The following KITLG variants were observed in gnomAD, a reference collection of about 807,000 sequenced individuals.
The protein encoded by KITLG is KIT ligand, also known as c-Kit ligand.
In KITLG, 13 loss-of-function variants were observed where a neutral mutation model predicts 34.1. That is an observed-to-expected ratio of 0.38 (90% CI 0.25 to 0.61). KITLG has a LOEUF of 0.61. Ranked by LOEUF, KITLG falls within the 20% of genes least tolerant of loss-of-function variation. The pLI, the probability that KITLG is intolerant of heterozygous loss-of-function variation, is 0.60. For missense variants in KITLG, 292 were observed against 318.9 expected, an observed-to-expected ratio of 0.92 and a Z score of 0.64; for synonymous variants, 110 against 104.0, an observed-to-expected ratio of 1.06 and a Z score of -0.35.
intron 6 of KITLG, 58 bp downstream of exon 6, chr12:88,515,476 T>A: frequency 1.9e-6 from 2 of 1,037,194 alleles, no homozygotes; most frequent in East Asian, 2.4e-5. Flanking sequence ...GCCCATGCAA[T>A]ACTCCTATAG....
chr12:88,524,056 C>T (rs1869776436), intron 3 of KITLG, among the ~76,000 whole-genome samples: 1 of 152,116 alleles, frequency 6.6e-6, no homozygotes, highest in Admixed American at 6.5e-5. Context: ...AACTAGAGGC[C>T]CAGTTTTTAG....
intron 9 of KITLG, among the ~76,000 whole-genome samples, chr12:88,500,523 C>T (rs1316017354): frequency 6.6e-6 from 1 of 152,164 alleles, no homozygotes; most frequent in East Asian, 1.9e-4. Context: ...AATGCACCTG[C>T]TAGAGTTTGT....
At chr12:88,505,342 G>T in intron 8 of KITLG, 107 bp from the exon 9 acceptor site, 1 of 821,054 alleles carries the variant, frequency 1.2e-6, no homozygotes, top group Non-Finnish European at 2.1e-6. Context: ...TATAGTAGCA[G>T]AAGATTGCAA....
In KITLG at chr12:88,551,362, T is replaced by C. The variant is rs562878830; in HGVS notation, c.16-5497A>G. ...ACTTCTTTATATAAAAAAGAAACTT[T>C]TCAGTATTAACTTTTCTACACAGAA... On this transcript the variant is annotated intron_variant, in intron 1 of 9. Coordinates refer to ENST00000644744, the MANE Select transcript of KITLG (RefSeq NM_000899.5). Among the ~76,000 whole-genome samples, 4 of 152,284 alleles carry C rather than the reference T, an allele frequency of 2.6e-5. No individual in the cohort carries two copies. The South Asian group carries it at 8.3e-4, about 32-fold the overall frequency.
At chr12:88,553,374 G>A (rs924208110) in intron 1 of KITLG, among the ~76,000 whole-genome samples, 11 of 152,184 alleles carry the variant, frequency 7.2e-5, no homozygotes, top group Non-Finnish European at 5.9e-5. Flanking sequence ...ATACACTGAA[G>A]CAAAATGTCC....
At chr12:88,527,558 A>G (rs1350901903) in intron 3 of KITLG, among the ~76,000 whole-genome samples, 1 of 152,252 alleles carries the variant, frequency 6.6e-6, no homozygotes, top group Non-Finnish European at 1.5e-5. Context: ...TGACAATGAT[A>G]GCAAAGATTG....
chr12:88,537,023 C>T (rs1870344392), intron 2 of KITLG, among the ~76,000 whole-genome samples: 1 of 152,000 alleles, frequency 6.6e-6, no homozygotes, highest in African/African-American at 2.4e-5. Flanking sequence ...GGTGTGGCTG[C>T]AGAGAAAAGG....
At chr12:88,556,399 G>A (rs1453175353) in intron 1 of KITLG, among the ~76,000 whole-genome samples, 1 of 152,132 alleles carries the variant, frequency 6.6e-6, no homozygotes, top group East Asian at 1.9e-4. Context: ...CTGGGGGAGA[G>A]AGGGCAACAA....
At chr12:88,521,851 T>C (rs144551610) in intron 3 of KITLG, among the ~76,000 whole-genome samples, 7 of 152,172 alleles carry the variant, frequency 4.6e-5, no homozygotes, top group Non-Finnish European at 1.0e-4. Context: ...TGGTTAATTA[T>C]AGCAGCTCTA....
At position 88,493,109 on chromosome 12, in the gene KITLG, T is replaced by G. The variant is rs991736962; in HGVS notation, c.*4110A>C. ...CAAGTCCATTGATTTAAAAAAATGG[T>G]GGCAAGTGGACACTATAATCACATA... On this transcript the variant is annotated 3_prime_UTR_variant, in exon 10 of 10. Transcript: ENST00000644744. 2.0e-5 allele frequency: 3 copies of G among 152,266 alleles called. No individual in the cohort carries two copies. Among genetic ancestry groups the G allele is most frequent in the African/African-American group, 7.2e-5 (3 of 41,388 alleles). 9.4% of individuals were successfully genotyped at this position (152,266 alleles called of 1,614,324 possible). A position where few individuals can be genotyped will look rare whatever the true frequency, so the allele number is the denominator to read the frequency against.
At chr12:88,536,728 A>G (rs776345806) in intron 2 of KITLG, among the ~76,000 whole-genome samples, 14 of 152,136 alleles carry the variant, frequency 9.2e-5, no homozygotes, top group Non-Finnish European at 1.5e-4. Context: ...GTAAACTAAC[A>G]CAACAACAGA....
chr12:88,563,458 A>G (rs1233198567), intron 1 of KITLG, among the ~76,000 whole-genome samples: 4 of 152,192 alleles, frequency 2.6e-5, no homozygotes, highest in African/African-American at 7.2e-5. Flanking sequence ...CAAGAAACAG[A>G]AAGTCGCATG....
intron 9 of KITLG, among the ~76,000 whole-genome samples, chr12:88,504,534 AG>A (rs1297397097): frequency 6.6e-6 from 1 of 152,220 alleles, no homozygotes; most frequent in African/African-American, 2.4e-5. Flanking sequence ...ACTGGCCATC[AG>A]AGAAATGCAA....
chr12:88,502,155 T>G (rs1868886349), intron 9 of KITLG, among the ~76,000 whole-genome samples: 3 of 152,198 alleles, frequency 2.0e-5, no homozygotes, highest in African/African-American at 7.2e-5. Flanking sequence ...TGAGTCATGT[T>G]TTCATTCATT....
At chr12:88,529,455 C>T (rs1592848322) in intron 3 of KITLG, among the ~76,000 whole-genome samples, 1 of 152,258 alleles carries the variant, frequency 6.6e-6, no homozygotes, top group East Asian at 1.9e-4. Flanking sequence ...TGATCACACC[C>T]TGCTATTTGT....
chr12:88,516,803 T>C (rs567433409), intron 4 of KITLG, among the ~76,000 whole-genome samples: 1 of 140,420 alleles, frequency 7.1e-6, no homozygotes, highest in East Asian at 2.2e-4. Context: ...GGTTTATTTT[T>C]AAAAGACCCC....
chr12:88,517,030 ATAACC>A (rs1441368640), intron 4 of KITLG, among the ~76,000 whole-genome samples: 1 of 150,490 alleles, frequency 6.6e-6, no homozygotes, highest in African/African-American at 2.4e-5. Flanking sequence ...TCTCAGGTAA[ATAACC>A]TACTGAAACT....
intron 2 of KITLG, among the ~76,000 whole-genome samples, chr12:88,541,564 C>T (rs1870519146): frequency 6.6e-6 from 1 of 152,108 alleles, no homozygotes; most frequent in Non-Finnish European, 1.5e-5. Flanking sequence ...ATTACAACTA[C>T]TAAAATCTGC....
intron 1 of KITLG, among the ~76,000 whole-genome samples, chr12:88,562,079 G>C (rs992566896): frequency 6.6e-6 from 1 of 152,174 alleles, no homozygotes; most frequent in Non-Finnish European, 1.5e-5. Flanking sequence ...CATGGTATAA[G>C]AATGAGGATT....
Sources: allele counts gnomAD v4.1 joint callset (sites outside exome capture counted in the v4.1 genomes callset), GRCh38; gene constraint gnomAD v4.1.1; transcripts MANE v1.5; gene names NCBI Gene and HGNC (gene_info 2026-07-23, HGNC 2026-07-21).